Variants in SLCO1A2 observed in about 807,000 individuals in gnomAD.
SLCO1A2 encodes the protein OATP-1.
A neutral mutation model predicts 69.0 loss-of-function variants in SLCO1A2; 67 were observed. That is an observed-to-expected ratio of 0.97 (90% CI 0.80 to 1.19). The LOEUF is 1.19. SLCO1A2 is among the 50% of genes most tolerant of loss of function. The probability of loss-of-function intolerance (pLI) is 0.00; values close to 1 mark genes in which losing one functional copy is unlikely to be tolerated. For synonymous variants in SLCO1A2, 260 were observed against 265.9 expected, an observed-to-expected ratio of 0.98 and a Z score of 0.22; for missense variants, 787 against 793.7, an observed-to-expected ratio of 0.99 and a Z score of 0.10.
intron 2 of SLCO1A2, chr12:21,373,523 T>A: frequency 2.3e-6 from 2 of 864,296 alleles, no homozygotes; most frequent in Non-Finnish European, 4.0e-6. Flanking sequence ...AGCCTTAGAT[T>A]TCTGACTATA....
intron 2 of SLCO1A2, among the ~76,000 whole-genome samples, chr12:21,370,610 G>A (rs2137082554): frequency 6.6e-6 from 1 of 151,678 alleles, no homozygotes; most frequent in Admixed American, 6.6e-5. Context: ...TATAACATTA[G>A]GGTAAGAGAG....
rs1555112072 is a variant in SLCO1A2, at chr12:21,299,770, G to GTATATGTGTGTA, written c.910+577_910+578insTACACACATATA. 8.5e-5 allele frequency among the ~76,000 whole-genome samples: 11 copies of GTATATGTGTGTA among 129,714 alleles called. 1 individual carries two copies. In the South Asian group the frequency reaches 2.6e-3, roughly 31 times the overall value. The allele number at this position is 129,714 out of a possible 152,430, so 85.1% of individuals were successfully genotyped here. A position where few individuals can be genotyped will look rare whatever the true frequency, so the allele number is the denominator to read the frequency against. ...CAAATGGGACCATATATATACGTGT[G>GTATATGTGTGTA]TATATATATATATATATATACACAC... On this transcript the variant is annotated intron_variant, in intron 8 of 14. Transcript: ENST00000683939.
chr12:21,295,320 T>C (rs1947539108), intron 10 of SLCO1A2: 1 of 292,078 alleles, frequency 3.4e-6, no homozygotes, highest in Non-Finnish European at 6.4e-6. Flanking sequence ...CATAGGATAA[T>C]GTCTACTCGG....
intron 2 of SLCO1A2, among the ~76,000 whole-genome samples, chr12:21,343,226 C>T (rs1953133421): frequency 6.6e-6 from 1 of 152,086 alleles, no homozygotes; most frequent in Non-Finnish European, 1.5e-5. Context: ...ACATGGTTGC[C>T]CATTTTCTCT....
intron 1 of SLCO1A2, among the ~76,000 whole-genome samples, chr12:21,375,181 GTAATA>G (rs1349305689): frequency 6.6e-6 from 1 of 152,122 alleles, no homozygotes; most frequent in Non-Finnish European, 1.5e-5. Context: ...AGAGCAATAT[GTAATA>G]TAATATTACT....
At chr12:21,295,514 A>T (rs1031949239) in intron 10 of SLCO1A2, 83 bp downstream of exon 10, 1 of 842,364 alleles carries the variant, frequency 1.2e-6, no homozygotes, top group Admixed American at 2.3e-5. Context: ...TAAGAAAATG[A>T]TCTGATCGTG....
In SLCO1A2 at chr12:21,366,892, C is replaced by T. The variant is rs370027605; in HGVS notation, c.-63+7507G>A. ...TATATAAACACAAGATTAATAAAAG[C>T]GTTTTGGGAGAGGAAAGCAGAGAAA... is the stretch of plus-strand genomic sequence containing the variant. On this transcript the variant is annotated intron_variant, in intron 2 of 15. Coordinates refer to the SLCO1A2 transcript ENST00000307378. 7.2e-4 allele frequency among the ~76,000 whole-genome samples: 109 copies of T among 151,624 alleles called. 2 individuals are homozygous for T. In the South Asian group the frequency reaches 0.022, roughly 31 times the overall value.
rs922728062 is a variant in SLCO1A2 at position 21,327,755 on chromosome 12, A to C, written c.60+6833T>G. ...TCCCCATTGTATCTAGGAAGTAACT[A>C]ACTTGCTTTTGATTTTTTTTGATGG... On this transcript the variant is annotated intron_variant, in intron 2 of 14. Coordinates refer to ENST00000683939, the MANE Select transcript of SLCO1A2 (RefSeq NM_001386879.1). Among the ~76,000 whole-genome samples, 3 of 152,078 alleles carry C rather than the reference A, an allele frequency of 2.0e-5. No individual in the cohort carries two copies. The East Asian group carries it at 5.8e-4, about 29-fold the overall frequency.
chr12:21,418,092 T>C (rs1376264235), upstream of SLCO1A2: 1 of 152,166 alleles, frequency 6.6e-6, no homozygotes, highest in Non-Finnish European at 1.5e-5. Flanking sequence ...AGAGCAATAC[T>C]AGGATTTGGA....
intron 1 of SLCO1A2, among the ~76,000 whole-genome samples, chr12:21,409,548 T>C (rs910788113): frequency 6.6e-5 from 10 of 152,182 alleles, no homozygotes; most frequent in African/African-American, 2.4e-4. Context: ...TAGACCTTTA[T>C]GGAAAAATTT....
At chr12:21,316,714 T>C (rs1950911698) in intron 3 of SLCO1A2, among the ~76,000 whole-genome samples, 2 of 152,162 alleles carry the variant, frequency 1.3e-5, no homozygotes, top group African/African-American at 2.4e-5. Flanking sequence ...CTTTGTCCAT[T>C]GTAATTATCA....
chr12:21,407,249 G>T (rs1941836092), intron 1 of SLCO1A2, among the ~76,000 whole-genome samples: 1 of 152,148 alleles, frequency 6.6e-6, no homozygotes, highest in Non-Finnish European at 1.5e-5. Flanking sequence ...TTCAAGCGTG[G>T]GGATCAGCAA....
At chr12:21,303,821 TA>T (rs1312337167) in intron 6 of SLCO1A2, among the ~76,000 whole-genome samples, 1 of 152,050 alleles carries the variant, frequency 6.6e-6, no homozygotes, top group Non-Finnish European at 1.5e-5. Context: ...GAGAGATCAT[TA>T]AGAAGAGAAA....
intron 4 of SLCO1A2, 103 bp downstream of exon 4, chr12:21,314,446 T>C: frequency 1.7e-6 from 2 of 1,209,050 alleles, no homozygotes; most frequent in South Asian, 2.9e-5. Context: ...CCCATTACAG[T>C]GCCCTATGCT....
chr12:21,418,959 A>AATTGT (rs1031326118), upstream of SLCO1A2, among the ~76,000 whole-genome samples: 30 of 152,300 alleles, frequency 2.0e-4, no homozygotes, highest in African/African-American at 6.3e-4. Flanking sequence ...AGCACACAAA[A>AATTGT]ATTGTATAAA....
intron 1 of SLCO1A2, among the ~76,000 whole-genome samples, chr12:21,405,408 A>G (rs541752337): frequency 6.6e-6 from 1 of 151,756 alleles, no homozygotes; most frequent in Non-Finnish European, 1.5e-5. Flanking sequence ...ACAGAATTTG[A>G]AAAAAAACTA....
At position 21,273,027 on chromosome 12, in the gene SLCO1A2, AC is replaced by A. The variant is rs1248263936; in HGVS notation, c.1793+1441del. ...AAGACTCATAGGTCAGGGACAAAGG[AC>A]TTTTTTTACTCACAACACAGCAGTC... is the stretch of plus-strand genomic sequence containing the variant. On this transcript the variant is annotated intron_variant, in intron 14 of 14. Transcript: ENST00000683939. 3.3e-5 allele frequency among the ~76,000 whole-genome samples: 5 copies of A among 151,788 alleles called. No individual in the cohort carries two copies. In the East Asian group the frequency reaches 9.6e-4, roughly 29 times the overall value.
At chr12:21,285,076 T>C in intron 12 of SLCO1A2, among the ~76,000 whole-genome samples, 1 of 131,286 alleles carries the variant, frequency 7.6e-6, no homozygotes, top group Admixed American at 7.6e-5. Context: ...GAGCTGGTTT[T>C]TTGAAAGGAT....
intron 12 of SLCO1A2, among the ~76,000 whole-genome samples, chr12:21,281,729 A>G (rs1413642213): frequency 2.6e-5 from 4 of 152,244 alleles, no homozygotes; most frequent in South Asian, 4.1e-4. Context: ...AAACATTACA[A>G]CTGATACCAC....
Sources: gnomAD v4.1 joint callset for allele counts (sites outside exome capture counted in the v4.1 genomes callset) on GRCh38, gnomAD v4.1.1 for gene constraint, MANE v1.5 for transcripts, NCBI Gene and HGNC (gene_info 2026-07-23, HGNC 2026-07-21) for gene names.